The following ENAH variants were observed in gnomAD, a reference collection of about 807,000 sequenced individuals.
The protein encoded by ENAH is ENAH actin regulator.
A neutral mutation model predicts 78.7 loss-of-function variants in ENAH; 23 were observed. The ratio of observed to expected loss-of-function variants is 0.29; its 90% CI spans 0.21 to 0.41. ENAH has a LOEUF of 0.41. Ranked by LOEUF, ENAH falls within the 10% of genes least tolerant of loss-of-function variation. The probability of loss-of-function intolerance (pLI) is 1.00; values close to 1 mark genes in which losing one functional copy is unlikely to be tolerated. For missense variants in ENAH, 544 were observed against 691.0 expected (o/e 0.79, Z 2.39); for synonymous variants, 226 against 241.0 (o/e 0.94, Z 0.58).
At chr1:225,551,984 G>T (rs1174336174) in intron 3 of ENAH, among the ~76,000 whole-genome samples, 1 of 152,084 alleles carries the variant, frequency 6.6e-6, no homozygotes, top group Non-Finnish European at 1.5e-5. Flanking sequence ...TTTTGGCAGG[G>T]TATGATCAAA....
At chr1:225,651,132 T>C (rs1410030557) in intron 1 of ENAH, among the ~76,000 whole-genome samples, 2 of 152,130 alleles carry the variant, frequency 1.3e-5, no homozygotes, top group East Asian at 1.9e-4. Flanking sequence ...TTACAAAGAT[T>C]GTGTTTTTTG....
chr1:225,512,010 T>C (rs189688931), intron 9 of ENAH, 151 bp from the exon 10 acceptor site: 104 of 528,260 alleles, frequency 2.0e-4, no homozygotes, highest in African/African-American at 1.7e-3. Context: ...CAGCTTAGAC[T>C]TTCTTCTCCT....
chr1:225,594,754 A>G (rs889876030), intron 1 of ENAH, among the ~76,000 whole-genome samples: 1 of 152,256 alleles, frequency 6.6e-6, no homozygotes, highest in Non-Finnish European at 1.5e-5. Flanking sequence ...TTTCTTTAGT[A>G]GAGATCACTT....
At chr1:225,631,686 A>G (rs1198957620) in intron 1 of ENAH, among the ~76,000 whole-genome samples, 2 of 152,150 alleles carry the variant, frequency 1.3e-5, no homozygotes, top group South Asian at 2.1e-4. Context: ...TTACAACTTG[A>G]AAGTATTAAT....
chr1:225,576,660 T>C (rs924711317), intron 1 of ENAH, among the ~76,000 whole-genome samples: 11 of 152,070 alleles, frequency 7.2e-5, no homozygotes, highest in Non-Finnish European at 1.3e-4. Context: ...AATTAACACA[T>C]ATAACAGAGA....
chr1:225,512,658 C>A lies in ENAH; in HGVS notation c.1421G>T (p.Gly474Val), dbSNP rs1289657797. The change falls in exon 9 of 14, where the codon GGT (glycine) becomes GTT (valine). Residue 474 changes from glycine to valine, a missense_variant and splice_region_variant. Physicochemically the swap from Gly to Val is moderately radical, Grantham distance 109 (BLOSUM62 -3). Around this residue, in one of 4 missense-constraint regions of ENAH, gnomAD observed 97 missense variants for 124.4 expected, o/e 0.78. Coordinates refer to ENST00000366843, the MANE Select transcript of ENAH (RefSeq NM_018212.6). The stretch of plus-strand genomic sequence containing the variant: ...GGTAGACTATCTTTATTAACTTACA[C>A]CTTTGTCCTCTTTTTGTTCTGTTTC... ...TIETEQKEDKGEDSEPVTSKA... is the reference protein window; with the variant it reads ...TIETEQKEDKVEDSEPVTSKA... 2 of 1,612,812 alleles carry A rather than the reference C, an allele frequency of 1.2e-6. No homozygotes were observed. Among genetic ancestry groups the A allele is most frequent in the Non-Finnish European group, 1.7e-6 (2 of 1,179,336 alleles).
intron 11 of ENAH, among the ~76,000 whole-genome samples, chr1:225,503,068 TG>T (rs1399552721): frequency 2.0e-5 from 3 of 152,204 alleles, no homozygotes; most frequent in Non-Finnish European, 2.9e-5. Flanking sequence ...TAAACAATTG[TG>T]GAAACATGCA....
chr1:225,650,840 A>C (rs552264749), intron 1 of ENAH, among the ~76,000 whole-genome samples: 15 of 125,310 alleles, frequency 1.2e-4, no homozygotes, highest in Admixed American at 1.7e-4. Flanking sequence ...AGAGAGCAAG[A>C]CTGCATTTAA....
chr1:225,548,907 T>C (rs1558795345), intron 3 of ENAH, among the ~76,000 whole-genome samples: 1 of 150,800 alleles, frequency 6.6e-6, no homozygotes, highest in Non-Finnish European at 1.5e-5. Context: ...TGGAGTGCAG[T>C]GGCACGATCT....
intron 1 of ENAH, among the ~76,000 whole-genome samples, chr1:225,645,795 G>C (rs1661849911): frequency 6.6e-6 from 1 of 152,128 alleles, no homozygotes; most frequent in Non-Finnish European, 1.5e-5. Context: ...CCCAAAAAAT[G>C]TTTATAACCC....
intron 2 of ENAH, among the ~76,000 whole-genome samples, chr1:225,558,977 T>C (rs993701915): frequency 1.3e-5 from 2 of 152,188 alleles, no homozygotes; most frequent in African/African-American, 2.4e-5. Context: ...CTATTAATAT[T>C]CTATATGGCT....
chr1:225,645,954 GC>G (rs1661878481), intron 1 of ENAH, among the ~76,000 whole-genome samples: 1 of 152,088 alleles, frequency 6.6e-6, no homozygotes, highest in African/African-American at 2.4e-5. Context: ...TGGAAAAGTT[GC>G]CTGTTAATAA....
At chr1:225,502,823 A>G (rs572188540) in intron 11 of ENAH, among the ~76,000 whole-genome samples, 2 of 152,336 alleles carry the variant, frequency 1.3e-5, no homozygotes, top group African/African-American at 2.4e-5. Context: ...TTAGGATGTT[A>G]TTTCATATAT....
At chr1:225,645,011 T>C in intron 1 of ENAH, among the ~76,000 whole-genome samples, 1 of 152,168 alleles carries the variant, frequency 6.6e-6, no homozygotes, top group East Asian at 1.9e-4. Context: ...GCTGTCTCCT[T>C]AGCACGAAGA....
intron 12 of ENAH, among the ~76,000 whole-genome samples, chr1:225,498,826 G>GT (rs1388523750): frequency 5.3e-5 from 8 of 152,190 alleles, no homozygotes; most frequent in Non-Finnish European, 1.0e-4. Context: ...TTTGTCTGAA[G>GT]TATGTATGGA....
chr1:225,499,030 A>C (rs1472009723), intron 12 of ENAH, among the ~76,000 whole-genome samples: 1 of 152,214 alleles, frequency 6.6e-6, no homozygotes, highest in Admixed American at 6.5e-5. Context: ...ATCTGAAATG[A>C]GATGTGCTGT....
At position 225,599,820 on chromosome 1, in the gene ENAH, A is replaced by T. The variant is rs1256017336; in HGVS notation, c.6-32406T>A. Among the ~76,000 whole-genome samples, 9 of 150,838 alleles carry T rather than the reference A, an allele frequency of 6.0e-5. No individual in the cohort carries two copies. The East Asian group carries it at 1.8e-3, about 29-fold the overall frequency. ...TTAAAAAAAAAAAAAAAAAAAAAAA[A>T]AGTGACCCCCTTTATTGGAGGTGGG... On this transcript the variant is annotated intron_variant, in intron 1 of 13. Coordinates refer to ENST00000366843, the MANE Select transcript of ENAH (RefSeq NM_018212.6).
intron 10 of ENAH, among the ~76,000 whole-genome samples, chr1:225,510,008 C>T (rs2096363974): frequency 6.6e-6 from 1 of 152,204 alleles, no homozygotes; most frequent in South Asian, 2.1e-4. Context: ...TGACACACTA[C>T]TTAGTATTCA....
At chr1:225,603,806 T>C (rs1448625708) in intron 1 of ENAH, among the ~76,000 whole-genome samples, 1 of 152,204 alleles carries the variant, frequency 6.6e-6, no homozygotes, top group African/African-American at 2.4e-5. Flanking sequence ...CTTGTAAAAC[T>C]GAAATCACTA....
Sources: allele counts gnomAD v4.1 joint callset (sites outside exome capture counted in the v4.1 genomes callset), GRCh38; gene constraint gnomAD v4.1.1; regional missense constraint gnomAD v4.1.1; transcripts MANE v1.5; gene names NCBI Gene and HGNC (gene_info 2026-07-23, HGNC 2026-07-21).